The following GNAS-AS1 variants were observed in gnomAD, a reference collection of about 807,000 sequenced individuals.
The protein encoded by GNAS-AS1 is GNAS antisense RNA 1, also known as GNAS antisense RNA 1 (non-protein coding).
chr20:58,819,229 A>G (rs1414170989), exon 5 of GNAS-AS1: 3 of 398,582 alleles, frequency 7.5e-6, no homozygotes, highest in Non-Finnish European at 1.3e-5. Flanking sequence ...AGAAGGTTCC[A>G]GGGACCCTTG....
Position 58,840,572 on chromosome 20 carries a change from G to T in GNAS-AS1, n.819+1365C>A. 7 of 1,612,608 alleles carry T rather than the reference G, an allele frequency of 4.3e-6. No homozygotes were observed. The highest frequency in any genetic ancestry group is 5.1e-6 in the Non-Finnish European group (6 of 1,179,712). On this transcript the variant is annotated intron_variant and non_coding_transcript_variant, in intron 4 of 4. Coordinates refer to ENST00000424094, the Ensembl canonical transcript of GNAS-AS1. The surrounding 1 kb of genome is among the most constrained non-coding windows in gnomAD (Gnocchi z 6.0). ...GGTGGTGCCCAAGCACTCCACCTTCGGCCAGTCCCTCACCCAGCGTCTGCA... is the reference window on the plus strand; with the variant it reads ...GGTGGTGCCCAAGCACTCCACCTTCTGCCAGTCCCTCACCCAGCGTCTGCA...
chr20:58,839,437 C>G (rs1804709553), intron 4 of GNAS-AS1: 1 of 400,256 alleles, frequency 2.5e-6, no homozygotes, highest in East Asian at 3.6e-5. Context: ...GTTTATTTCC[C>G]CAATAACTGG....
intron 4 of GNAS-AS1, among the ~76,000 whole-genome samples, chr20:58,822,996 C>A (rs1441942676): frequency 2.6e-5 from 4 of 152,132 alleles, no homozygotes; most frequent in African/African-American, 7.2e-5. Context: ...CTGCCCGCCA[C>A]CCCTGGCGCC....
intron 2 of GNAS-AS1, chr20:58,843,192 C>CCCTCCCCCGCTCAATTCT (rs1171470335): frequency 3.4e-5 from 5 of 146,784 alleles, no homozygotes; most frequent in African/African-American, 1.0e-4. Flanking sequence ...CGCTCAATTC[C>CCCTCCCCCGCTCAATTCT]CCTCCCCCGC....
chr20:58,823,262 G>A (rs142902494), intron 4 of GNAS-AS1, among the ~76,000 whole-genome samples: 4 of 152,294 alleles, frequency 2.6e-5, no homozygotes, highest in East Asian at 1.9e-4. Context: ...TGCCTCATTC[G>A]GCCCCCATGC....
chr20:58,830,454 ATCACCACCACCACAC>A, intron 4 of GNAS-AS1, among the ~76,000 whole-genome samples: 1 of 122,192 alleles, frequency 8.2e-6, no homozygotes, highest in Non-Finnish European at 1.7e-5. Flanking sequence ...CACCACCACC[ATCACCACCACCACAC>A]CACCATCATC....
Position 58,841,558 on chromosome 20 carries a change from G to T in GNAS-AS1, n.819+379C>A, listed in dbSNP as rs1600660132. On this transcript the variant is annotated intron_variant and non_coding_transcript_variant, in intron 4 of 4. Coordinates refer to ENST00000424094, the Ensembl canonical transcript of GNAS-AS1. The surrounding 1 kb of genome is among the most constrained non-coding windows in gnomAD (Gnocchi z 5.0). Reference sequence around the variant, plus strand: ...CCGTGCGCCAGCCTTGGCCGCCACAGCCCGCCTCCCGTCGCTCGCGGGACA... The same window carrying T: ...CCGTGCGCCAGCCTTGGCCGCCACATCCCGCCTCCCGTCGCTCGCGGGACA... 1.0e-6 allele frequency: 1 copy of T among 998,548 alleles called. No homozygotes were observed. Among genetic ancestry groups the T allele is most frequent in the East Asian group, 1.0e-4 (1 of 9,572 alleles). The allele number at this position is 998,548 out of a possible 1,614,324, so 61.9% of individuals were successfully genotyped here. A position where few individuals can be genotyped will look rare whatever the true frequency, so the allele number is the denominator to read the frequency against.
chr20:58,850,271 A>G (rs1284565473), intron 1 of GNAS-AS1, among the ~76,000 whole-genome samples: 1 of 152,172 alleles, frequency 6.6e-6, no homozygotes, highest in Non-Finnish European at 1.5e-5. Flanking sequence ...ACTCTCCAGG[A>G]TGAGGAACTG....
At chr20:58,819,796 G>A (rs1465486014) in intron 4 of GNAS-AS1, among the ~76,000 whole-genome samples, 1 of 152,178 alleles carries the variant, frequency 6.6e-6, no homozygotes, top group Non-Finnish European at 1.5e-5. Context: ...TGAAACAATA[G>A]AGCAGGCAAA....
chr20:58,833,225 A>C (rs532338564), intron 4 of GNAS-AS1, among the ~76,000 whole-genome samples: 1 of 152,170 alleles, frequency 6.6e-6, no homozygotes, highest in South Asian at 2.1e-4. Flanking sequence ...GGAAAACCGG[A>C]AAGTCTTCTC....
chr20:58,840,122 C>A lies in GNAS-AS1; in HGVS notation n.819+1815G>T, dbSNP rs1313255145. Reference sequence around the variant, plus strand: ...GCCTAAGAGGATGGATCGGAGGTCCCGGGCTCAGCAGTGGCGCCGAGCTCG... The same window carrying A: ...GCCTAAGAGGATGGATCGGAGGTCCAGGGCTCAGCAGTGGCGCCGAGCTCG... On this transcript the variant is annotated intron_variant and non_coding_transcript_variant, in intron 4 of 4. Coordinates refer to ENST00000424094, the Ensembl canonical transcript of GNAS-AS1. The surrounding 1 kb of genome is among the most constrained non-coding windows in gnomAD (Gnocchi z 6.0). The A allele has an allele frequency of 6.2e-7, 1 of 1,611,306 alleles. No homozygotes were observed. The highest frequency in any genetic ancestry group is 2.2e-5 in the East Asian group (1 of 44,844).
chr20:58,839,057 C>T, intron 4 of GNAS-AS1: 1 of 398,488 alleles, frequency 2.5e-6, no homozygotes, highest in Non-Finnish European at 4.4e-6. Context: ...CTTCCCTTTA[C>T]CCATGCTCTC....
At chr20:58,850,583 G>A in exon 1 of GNAS-AS1, 1 of 398,916 alleles carries the variant, frequency 2.5e-6, no homozygotes, top group Non-Finnish European at 4.4e-6. Flanking sequence ...TATCCATCCT[G>A]GGCTGCTCCT....
intron 4 of GNAS-AS1, among the ~76,000 whole-genome samples, chr20:58,830,301 TCACCAC>T (rs1330796824): frequency 5.1e-5 from 1 of 19,574 alleles, no homozygotes; most frequent in African/African-American, 2.2e-4. Context: ...ACCACCACCA[TCACCAC>T]CACCACCACA....
chr20:58,842,110 G>A, exon 4 of GNAS-AS1: 3 of 400,256 alleles, frequency 7.5e-6, no homozygotes. Context: ...GTAGAGTTAA[G>A]TTTAATCTGT....
chr20:58,830,252 T>G (rs866230055), intron 4 of GNAS-AS1, among the ~76,000 whole-genome samples: 1,612 of 56,368 alleles, frequency 0.029, 77 homozygotes, highest in African/African-American at 0.1. Flanking sequence ...ACCACCACCA[T>G]CAACGCCACA....
chr20:58,832,693 G>A (rs758878236), intron 4 of GNAS-AS1, among the ~76,000 whole-genome samples: 1 of 152,204 alleles, frequency 6.6e-6, no homozygotes, highest in Non-Finnish European at 1.5e-5. Context: ...ACAACACTCC[G>A]AGGACAGAGA....
chr20:58,842,994 T>C (rs2085796286), intron 2 of GNAS-AS1, among the ~76,000 whole-genome samples: 1 of 152,166 alleles, frequency 6.6e-6, no homozygotes, highest in Non-Finnish European at 1.5e-5. Context: ...CATCTTGCTG[T>C]TTTTTAAACA....
intron 4 of GNAS-AS1, among the ~76,000 whole-genome samples, chr20:58,824,602 T>C (rs2145451509): frequency 6.6e-6 from 1 of 152,288 alleles, no homozygotes; most frequent in Non-Finnish European, 1.5e-5. Flanking sequence ...AAAAATACTA[T>C]CATTCAACCC....
Sources: gnomAD v4.1 joint callset for allele counts (sites outside exome capture counted in the v4.1 genomes callset) on GRCh38, gnomAD v4.1.1 for gene constraint, Gnocchi (gnomAD v3.1) non-coding constraint, MANE v1.5 for transcripts, NCBI Gene and HGNC (gene_info 2026-07-23, HGNC 2026-07-21) for gene names.